The following CETN3 variants were observed in gnomAD, a reference collection of about 807,000 sequenced individuals.
CETN3 encodes centrin 3.
Under a neutral mutation model 20.1 loss-of-function variants are expected in CETN3, and 17 were observed. The observed-to-expected ratio is 0.85, with a 90% CI of 0.58 to 1.27. CETN3 has a LOEUF of 1.27. CETN3 is among the 50% of genes most tolerant of loss of function. CETN3 has a pLI of 0.00. For synonymous variants in CETN3, 52 were observed against 59.7 expected, an observed-to-expected ratio of 0.87 and a Z score of 0.59; for missense variants, 169 against 191.2, an observed-to-expected ratio of 0.88 and a Z score of 0.69.
rs1191931586 is a variant in CETN3 at position 90,408,076 on chromosome 5, C to T, written c.18-242G>A. On this transcript the variant is annotated intron_variant, in intron 1 of 4. Transcript: ENST00000283122. Reference sequence around the variant, plus strand: ...AATGAGGACCAAACTTTTCTTTTTCCCAGCTTTTTATTTATTCCCACTAAT... The same window carrying T: ...AATGAGGACCAAACTTTTCTTTTTCTCAGCTTTTTATTTATTCCCACTAAT... Among the ~76,000 whole-genome samples, 3 of 151,914 alleles carry T rather than the reference C, an allele frequency of 2.0e-5. No homozygotes were observed. In the East Asian group the frequency reaches 5.8e-4, roughly 29 times the overall value.
intron 4 of CETN3, among the ~76,000 whole-genome samples, chr5:90,395,613 C>A (rs10043250): frequency 2.2e-3 from 341 of 152,260 alleles, no homozygotes; most frequent in African/African-American, 7.6e-3. Context: ...GGATTACAGG[C>A]ATGGGCCATG....
At chr5:90,397,529 T>C (rs973355034) in intron 4 of CETN3, among the ~76,000 whole-genome samples, 3 of 151,298 alleles carry the variant, frequency 2.0e-5, no homozygotes, top group African/African-American at 7.4e-5. Flanking sequence ...GTAGATTAAG[T>C]ACCTTAGAGA....
chr5:90,399,611 G>T, intron 3 of CETN3, 62 bp from the exon 4 acceptor site: 2 of 1,282,904 alleles, frequency 1.6e-6, no homozygotes. Flanking sequence ...ATTCATTTGT[G>T]AAATCAACTA....
chr5:90,408,921 T>C (rs1749543338), intron 1 of CETN3, among the ~76,000 whole-genome samples: 2 of 152,114 alleles, frequency 1.3e-5, no homozygotes, highest in African/African-American at 4.8e-5. Flanking sequence ...GTCAGTCTTT[T>C]CCTTCCTGAG....
chr5:90,407,289 T>C (rs571180039), intron 2 of CETN3, among the ~76,000 whole-genome samples: 6 of 152,204 alleles, frequency 3.9e-5, no homozygotes, highest in Admixed American at 3.9e-4. Flanking sequence ...GAGACTATGT[T>C]ACTAACAAAT....
intron 3 of CETN3, among the ~76,000 whole-genome samples, chr5:90,402,863 T>C (rs116643825): frequency 0.012 from 1,798 of 152,312 alleles, 36 homozygotes; most frequent in African/African-American, 0.041. Context: ...AAGAAGAACC[T>C]TTTAGTAACT....
intron 3 of CETN3, among the ~76,000 whole-genome samples, 171 bp from the exon 4 acceptor site, chr5:90,399,720 A>G (rs1749234019): frequency 6.6e-6 from 1 of 152,210 alleles, no homozygotes; most frequent in South Asian, 2.1e-4. Flanking sequence ...TGAAATTAGA[A>G]AAATCAAATC....
chr5:90,394,194 T>A, intron 4 of CETN3, 87 bp from the exon 5 acceptor site: 1 of 862,042 alleles, frequency 1.2e-6, no homozygotes. Flanking sequence ...ACTAAGTATT[T>A]AAAAAATTTT....
chr5:90,398,815 T>C (rs940273615), intron 4 of CETN3, among the ~76,000 whole-genome samples: 4 of 152,190 alleles, frequency 2.6e-5, no homozygotes, highest in Non-Finnish European at 5.9e-5. Context: ...GATTAGAGAC[T>C]TTTATATGCC....
intron 3 of CETN3, among the ~76,000 whole-genome samples, chr5:90,403,536 A>G (rs1749354797): frequency 6.6e-6 from 1 of 152,246 alleles, no homozygotes; most frequent in African/African-American, 2.4e-5. Flanking sequence ...GTCAGGAAAA[A>G]GTGGAGGTGG....
At position 90,408,288 on chromosome 5, in the gene CETN3, G is replaced by A. The variant is rs144763250; in HGVS notation, c.18-454C>T. 1.2e-4 allele frequency among the ~76,000 whole-genome samples: 18 copies of A among 152,128 alleles called. No homozygotes were observed. In the East Asian group the frequency reaches 3.5e-3, roughly 29 times the overall value. On this transcript the variant is annotated intron_variant, in intron 1 of 4. Transcript: ENST00000283122. ...ACTATATATCGGTTTACTGTTGATAGTTCTGATAATTATGTTCATAAAATT... is the reference window on the plus strand; with the variant it reads ...ACTATATATCGGTTTACTGTTGATAATTCTGATAATTATGTTCATAAAATT...
At chr5:90,399,747 A>T (rs752113091) in intron 3 of CETN3, among the ~76,000 whole-genome samples, 198 bp from the exon 4 acceptor site, 2 of 152,176 alleles carry the variant, frequency 1.3e-5, no homozygotes, top group Non-Finnish European at 2.9e-5. Context: ...TTAAATGTTA[A>T]CCTTTTTTAT....
intron 2 of CETN3, among the ~76,000 whole-genome samples, chr5:90,406,840 C>CAAAAAAAAAAA (rs762527758): frequency 1.6e-5 from 1 of 61,728 alleles, no homozygotes; most frequent in Non-Finnish European, 3.0e-5. Flanking sequence ...TCTGGGTAAC[C>CAAAAAAAAAAA]AAAAAAAAAA....
chr5:90,407,936 G>C, intron 1 of CETN3, 102 bp from the exon 2 acceptor site: 2 of 991,748 alleles, frequency 2.0e-6, no homozygotes, highest in East Asian at 5.4e-5. Context: ...AAAGTACTTT[G>C]GAGAAAGATA....
rs557412620 is a variant in CETN3, at chr5:90,394,684, T to C, written c.461-577A>G. On this transcript the variant is annotated intron_variant, in intron 4 of 4. Transcript: ENST00000283122. ...CAAAGGTATCAATAAAAATGGCAAT[T>C]TGAAAAGATTACAGATGTAATCTTA... 4.1e-4 allele frequency among the ~76,000 whole-genome samples: 62 copies of C among 152,038 alleles called. 1 individual carries two copies. The highest frequency in any genetic ancestry group is 1.4e-3 in the African/African-American group (60 of 41,536).
chr5:90,398,170 T>C (rs932927184), intron 4 of CETN3, among the ~76,000 whole-genome samples: 1 of 152,096 alleles, frequency 6.6e-6, no homozygotes, highest in Non-Finnish European at 1.5e-5. Flanking sequence ...TTATTCTATA[T>C]ACCCAATATT....
intron 3 of CETN3, among the ~76,000 whole-genome samples, chr5:90,401,204 T>A (rs1749279831): frequency 1.3e-5 from 2 of 152,220 alleles, no homozygotes; most frequent in African/African-American, 4.8e-5. Context: ...TTATCAATAT[T>A]CTTCCTTAAA....
chr5:90,395,332 ATTG>A (rs1188530411), intron 4 of CETN3, among the ~76,000 whole-genome samples: 1 of 152,180 alleles, frequency 6.6e-6, no homozygotes, highest in Non-Finnish European at 1.5e-5. Flanking sequence ...TTATAAAATT[ATTG>A]TTAACTTTCT....
chr5:90,399,329 C>A (rs376294985), intron 4 of CETN3, 29 bp downstream of exon 4: 298 of 1,609,322 alleles, frequency 1.9e-4, no homozygotes, highest in Non-Finnish European at 2.5e-4. Flanking sequence ...TCAGGAAAAC[C>A]TGGAAAATAC....
Sources: gnomAD v4.1 joint callset for allele counts (sites outside exome capture counted in the v4.1 genomes callset) on GRCh38, gnomAD v4.1.1 for gene constraint, MANE v1.5 for transcripts, NCBI Gene and HGNC (gene_info 2026-07-23, HGNC 2026-07-21) for gene names.